TDRD3: variants seen among roughly 807,000 people sequenced by gnomAD.
The protein encoded by TDRD3 is tudor domain containing 3.
In TDRD3, 45 loss-of-function variants were observed where a neutral mutation model predicts 86.7. The ratio of observed to expected loss-of-function variants is 0.52; its 90% CI spans 0.41 to 0.67. TDRD3 has a LOEUF of 0.67. Ranked by LOEUF, TDRD3 falls within the 30% of genes least tolerant of loss-of-function variation. The pLI is 0.00. For synonymous variants in TDRD3, 298 were observed against 301.7 expected (o/e 0.99, Z 0.13); for missense variants, 814 against 889.0 (o/e 0.92, Z 1.07).
chr13:60,483,473 A>C (rs1196993168), intron 5 of TDRD3, among the ~76,000 whole-genome samples: 1 of 152,094 alleles, frequency 6.6e-6, no homozygotes, highest in Non-Finnish European at 1.5e-5. Flanking sequence ...CCAAAGTTTG[A>C]TATTTTTGAA....
At chr13:60,507,810 A>G (rs191708931) in intron 8 of TDRD3, among the ~76,000 whole-genome samples, 54 of 152,326 alleles carry the variant, frequency 3.5e-4, no homozygotes, top group Admixed American at 1.5e-3. Context: ...GAGTATTCAC[A>G]TAGGAAGAGA....
At chr13:60,436,311 A>G (rs1955104618) in intron 1 of TDRD3, among the ~76,000 whole-genome samples, 1 of 151,964 alleles carries the variant, frequency 6.6e-6, no homozygotes, top group Non-Finnish European at 1.5e-5. Context: ...TTGGGGTCTT[A>G]GTCATGAATT....
chr13:60,448,010 A>G (rs1417727655), intron 3 of TDRD3, among the ~76,000 whole-genome samples: 3 of 152,176 alleles, frequency 2.0e-5, no homozygotes, highest in Non-Finnish European at 4.4e-5. Flanking sequence ...AAGACATATC[A>G]GTAATCTTTT....
chr13:60,439,245 A>G (rs1955196729), intron 1 of TDRD3, among the ~76,000 whole-genome samples: 1 of 152,178 alleles, frequency 6.6e-6, no homozygotes, highest in African/African-American at 2.4e-5. Flanking sequence ...ACTTGAGAAG[A>G]TAATGTGAGA....
At chr13:60,422,204 G>A (rs1051100572) in intron 1 of TDRD3, among the ~76,000 whole-genome samples, 1 of 152,136 alleles carries the variant, frequency 6.6e-6, no homozygotes, top group Non-Finnish European at 1.5e-5. Context: ...GGATAATGAA[G>A]AGGAAAAGAA....
At chr13:60,525,150 C>A (rs1957392348) in intron 10 of TDRD3, among the ~76,000 whole-genome samples, 1 of 118,082 alleles carries the variant, frequency 8.5e-6, no homozygotes, top group African/African-American at 3.0e-5. Context: ...GTTTATTTTA[C>A]TATATTAAGG....
chr13:60,452,483 T>G (rs551318114), intron 3 of TDRD3, among the ~76,000 whole-genome samples: 2 of 152,204 alleles, frequency 1.3e-5, no homozygotes, highest in East Asian at 1.9e-4. Flanking sequence ...CTTACATTAT[T>G]CTGTATATTC....
intron 1 of TDRD3, among the ~76,000 whole-genome samples, chr13:60,427,399 T>A (rs990945159): frequency 2.6e-5 from 4 of 152,090 alleles, no homozygotes; most frequent in Admixed American, 2.0e-4. Flanking sequence ...TTATTAAAGG[T>A]ACTTTTTTTT....
chr13:60,556,992 G>T (rs1260895674), intron 12 of TDRD3, among the ~76,000 whole-genome samples: 2 of 152,070 alleles, frequency 1.3e-5, no homozygotes, highest in Non-Finnish European at 2.9e-5. Context: ...ATCACCTGAG[G>T]TCGGGAGTTC....
chr13:60,416,256 T>C (rs1360517306), intron 1 of TDRD3, among the ~76,000 whole-genome samples: 1 of 152,130 alleles, frequency 6.6e-6, no homozygotes, highest in East Asian at 1.9e-4. Context: ...GTACTCATAA[T>C]ATAGTTCTTA....
In TDRD3 at chr13:60,528,573, G is replaced by T; in HGVS notation, c.1348G>T (p.Gly450Cys). The T allele has an allele frequency of 6.2e-7, 1 of 1,613,956 alleles. No homozygotes were observed. Among genetic ancestry groups the T allele is most frequent in the Non-Finnish European group, 8.5e-7 (1 of 1,179,926 alleles). ...AGGCAGTGGATTACCTAGAAATAGA[G>T]GTTCTGAAAGACCAAGTACTTCTTC... ...LEGSGLPRNR[G>C]SERPSTSSVS... The change falls in exon 11 of 14, where the codon GGT (glycine) becomes TGT (cysteine). Residue 450 changes from glycine to cysteine, a missense_variant. Physicochemically the swap from Gly to Cys is radical, Grantham distance 159. Transcript: ENST00000377881.
intron 1 of TDRD3, among the ~76,000 whole-genome samples, chr13:60,424,452 C>T (rs957743325): frequency 1.3e-5 from 2 of 151,856 alleles, no homozygotes; most frequent in Admixed American, 1.3e-4. Context: ...CTGAGGTTGG[C>T]GGATCACTTG....
At chr13:60,478,792 A>C (rs1447324079) in intron 5 of TDRD3, among the ~76,000 whole-genome samples, 1 of 139,164 alleles carries the variant, frequency 7.2e-6, no homozygotes. Context: ...TAGATTGTTA[A>C]TTTGAGGACT....
chr13:60,526,309 T>C (rs1402156451), intron 10 of TDRD3, among the ~76,000 whole-genome samples: 3 of 152,184 alleles, frequency 2.0e-5, no homozygotes, highest in Non-Finnish European at 4.4e-5. Context: ...AGACTATTGA[T>C]AATGTATATA....
intron 3 of TDRD3, among the ~76,000 whole-genome samples, chr13:60,449,698 A>T (rs1955491022): frequency 6.6e-6 from 1 of 152,162 alleles, no homozygotes; most frequent in Non-Finnish European, 1.5e-5. Flanking sequence ...TTTCTTAATT[A>T]TAAGGAATTT....
chr13:60,416,480 TTTA>T (rs1954519045), intron 1 of TDRD3, among the ~76,000 whole-genome samples: 1 of 152,240 alleles, frequency 6.6e-6, no homozygotes. Flanking sequence ...CAAGTAGATA[TTTA>T]TTAAGCAAGA....
chr13:60,510,325 G>C (rs1957029068), intron 9 of TDRD3, among the ~76,000 whole-genome samples: 1 of 151,972 alleles, frequency 6.6e-6, no homozygotes. Context: ...TTTCTTATGT[G>C]GTCCCAGTCC....
intron 3 of TDRD3, among the ~76,000 whole-genome samples, chr13:60,456,069 C>CA (rs35117003): frequency 0.11 from 10,527 of 95,172 alleles, 786 homozygotes; most frequent in African/African-American, 0.2. Flanking sequence ...GACTATGTCT[C>CA]AAAAAAAAAA....
chr13:60,477,197 G>GTTATTATTA (rs558977736), intron 5 of TDRD3, among the ~76,000 whole-genome samples: 177 of 144,378 alleles, frequency 1.2e-3, no homozygotes, highest in South Asian at 1.8e-3. Context: ...GTTATAGATG[G>GTTATTATTA]TTATTATTAT....
Sources: allele counts gnomAD v4.1 joint callset (sites outside exome capture counted in the v4.1 genomes callset), GRCh38; gene constraint gnomAD v4.1.1; transcripts MANE v1.5; gene names NCBI Gene and HGNC (gene_info 2026-07-23, HGNC 2026-07-21).